Variants in NRIP3 observed in about 807,000 individuals in gnomAD.
NRIP3 encodes the protein nuclear receptor-interacting protein 3.
A neutral mutation model predicts 29.0 loss-of-function variants in NRIP3; 31 were observed. The observed-to-expected ratio is 1.07, with a 90% confidence interval of 0.80 to 1.44. The LOEUF is 1.44. Ranked by LOEUF, NRIP3 falls within the 40% of genes most tolerant of loss-of-function variation. The probability of loss-of-function intolerance (pLI) is 0.00; values close to 1 mark genes in which losing one functional copy is unlikely to be tolerated. For missense variants in NRIP3, 314 were observed against 297.9 expected, an observed-to-expected ratio of 1.05 and a Z score of -0.40; for synonymous variants, 131 against 118.3, an observed-to-expected ratio of 1.11 and a Z score of -0.70.
At chr11:8,992,557 G>A (rs116112943) in intron 1 of NRIP3, among the ~76,000 whole-genome samples, 3,617 of 152,308 alleles carry the variant, frequency 0.024, 140 homozygotes, top group African/African-American at 0.083. Flanking sequence ...TTAGGAATCA[G>A]AATAGTAGAG....
rs531652383 is a variant in NRIP3 at position 8,991,225 on chromosome 11, C to T, written c.175-2943G>A. On this transcript the variant is annotated intron_variant, in intron 1 of 6. Transcript: ENST00000309166. ...CTGAGGCAGGAGAATGGCATGAACC[C>T]GGGAGGCAGAGCTTGCATTGAGCCG... Among the ~76,000 whole-genome samples, 8 of 152,150 alleles carry T rather than the reference C, an allele frequency of 5.3e-5. No individual in the cohort carries two copies. The East Asian group carries it at 9.7e-4, about 18-fold the overall frequency.
intron 4 of NRIP3, among the ~76,000 whole-genome samples, chr11:8,985,187 T>TTG (rs1854496752): frequency 1.1e-5 from 1 of 90,536 alleles, no homozygotes; most frequent in Non-Finnish European, 2.3e-5. Context: ...TTTTTTTTTT[T>TTG]GAGACGGAGT....
At chr11:9,002,327 G>A (rs777191003) in intron 1 of NRIP3, among the ~76,000 whole-genome samples, 7 of 152,072 alleles carry the variant, frequency 4.6e-5, no homozygotes, top group Non-Finnish European at 1.0e-4. Context: ...TAAAGTGAAA[G>A]AAGGGAAAAG....
chr11:8,987,716 G>A (rs1854540222), intron 2 of NRIP3, 86 bp from the exon 3 acceptor site: 2 of 1,009,552 alleles, frequency 2.0e-6, no homozygotes, highest in South Asian at 1.3e-5. Context: ...GATGTCATAT[G>A]AAAGGCAGGG....
intron 4 of NRIP3, 44 bp downstream of exon 4, chr11:8,985,667 G>T: frequency 6.3e-7 from 1 of 1,593,410 alleles, no homozygotes; most frequent in Non-Finnish European, 8.6e-7. Flanking sequence ...GTAGGGAGAG[G>T]GTTTCCGTTA....
chr11:9,003,102 C>T (rs1445783867), intron 1 of NRIP3, among the ~76,000 whole-genome samples: 1 of 152,158 alleles, frequency 6.6e-6, no homozygotes, highest in Non-Finnish European at 1.5e-5. Context: ...ATTAGCTGGT[C>T]GGTGAGATGC....
intron 1 of NRIP3, among the ~76,000 whole-genome samples, chr11:8,997,643 A>T (rs61876274): frequency 0.38 from 57,942 of 151,624 alleles, 11,967 homozygotes; most frequent in Non-Finnish European, 0.47. Flanking sequence ...AATGAACACT[A>T]TGGGAAGTGC....
At chr11:8,984,217 A>G (rs560211838) in intron 4 of NRIP3, 93 bp from the exon 5 acceptor site, 10 of 774,200 alleles carry the variant, frequency 1.3e-5, no homozygotes, top group Middle Eastern at 3.4e-4. Flanking sequence ...CATCCATCCA[A>G]TAACATCCAA....
intron 3 of NRIP3, among the ~76,000 whole-genome samples, chr11:8,986,058 C>T (rs1445927160): frequency 6.6e-6 from 1 of 151,750 alleles, no homozygotes; most frequent in Non-Finnish European, 1.5e-5. Flanking sequence ...ACTCATCTCC[C>T]GTTCTCAAAA....
chr11:8,983,365 T>G lies in NRIP3; in HGVS notation c.*180A>C. 1.6e-6 allele frequency: 1 copy of G among 606,488 alleles called. No homozygotes were observed. Among genetic ancestry groups the G allele is most frequent in the Non-Finnish European group, 2.9e-6 (1 of 339,360 alleles). 37.6% of individuals were successfully genotyped at this position (606,488 alleles called of 1,614,324 possible). ...AAACAATGGCCATAACCAGACAAGA[T>G]CTCTAAGCATAGACTATAGTCTAGA... On this transcript the variant is annotated 3_prime_UTR_variant, in exon 7 of 7. Coordinates refer to ENST00000309166, the MANE Select transcript of NRIP3 (RefSeq NM_020645.3).
intron 1 of NRIP3, among the ~76,000 whole-genome samples, chr11:8,996,877 T>C (rs1368306172): frequency 6.6e-6 from 1 of 151,590 alleles, no homozygotes; most frequent in Non-Finnish European, 1.5e-5. Context: ...ACAGTGAAAT[T>C]GTGTCTCTAC....
rs143813282 is a variant in NRIP3 at position 8,983,518 on chromosome 11, C to T, written c.*27G>A. 0.01 allele frequency: 16,444 copies of T among 1,611,632 alleles called. 109 individuals are homozygous for T. The highest frequency in any genetic ancestry group is 0.021 in the Middle Eastern group (130 of 6,052). On this transcript the variant is annotated 3_prime_UTR_variant, in exon 7 of 7. Transcript: ENST00000309166. ...TGTCAACCCGGTGTGTATGCATGCA[C>T]ACGTGCAGACATGCTGCAGGCTGTA... is the stretch of plus-strand genomic sequence containing the variant.
rs1854453588 is a variant in NRIP3 at position 8,983,376 on chromosome 11, A to G, written c.*169T>C. The stretch of plus-strand genomic sequence containing the variant: ...ATAACCAGACAAGATCTCTAAGCAT[A>G]GACTATAGTCTAGAGAGGTCTGAAT... On this transcript the variant is annotated 3_prime_UTR_variant, in exon 7 of 7. Coordinates refer to ENST00000309166, the MANE Select transcript of NRIP3 (RefSeq NM_020645.3). 1 of 618,834 alleles carries G rather than the reference A, an allele frequency of 1.6e-6. No homozygotes were observed. The highest frequency in any genetic ancestry group is 2.9e-6 in the Non-Finnish European group (1 of 346,700). 38.3% of individuals were successfully genotyped at this position (618,834 alleles called of 1,614,324 possible). A position where few individuals can be genotyped will look rare whatever the true frequency, so the allele number is the denominator to read the frequency against.
chr11:8,985,739 G>C lies in NRIP3; in HGVS notation c.534C>G (p.Leu178=), dbSNP rs1013359256. The change falls in exon 4 of 7, where the codon CTC becomes CTG. Residue 178 remains leucine, a synonymous_variant. Transcript: ENST00000309166. ...IEHLVITLGS[L]RLDCPAAVVD... ...CCACAGCTGCTGGGCAGTCCAGGCG[G>C]AGGGAGCCCAGTGTGATCACTAGGT... 36 of 1,614,018 alleles carry C rather than the reference G, an allele frequency of 2.2e-5. No individual in the cohort carries two copies. The highest frequency in any genetic ancestry group is 2.9e-5 in the Non-Finnish European group (34 of 1,180,036).
rs1205652993 is a variant in NRIP3, at chr11:8,981,489, TAAAC to T, written c.*2052_*2055del. 1 of 117,272 alleles carries T rather than the reference TAAAC, an allele frequency of 8.5e-6. No homozygotes were observed. The highest frequency in any genetic ancestry group is 1.9e-5 in the Non-Finnish European group (1 of 53,812). 7.3% of individuals were successfully genotyped at this position (117,272 alleles called of 1,614,324 possible). On this transcript the variant is annotated 3_prime_UTR_variant, in exon 7 of 7. Transcript: ENST00000309166. ...TCTAAAAAAAAAAAAAAAAAAAGAA[TAAAC>T]CAGCAGGAACCTTCAACATGCCTCA... is the stretch of plus-strand genomic sequence containing the variant.
chr11:9,001,390 G>A (rs1854794275), intron 1 of NRIP3, among the ~76,000 whole-genome samples: 2 of 152,244 alleles, frequency 1.3e-5, no homozygotes, highest in Admixed American at 6.5e-5. Context: ...AATCCCAGCG[G>A]TATATTCAAA....
At chr11:8,995,388 A>G (rs7119887) in intron 1 of NRIP3, among the ~76,000 whole-genome samples, 141,729 of 152,246 alleles carry the variant, frequency 0.93, 66,768 homozygotes, top group East Asian at 1. Flanking sequence ...GGAGGTTTGA[A>G]CTCCAAAGAC....
chr11:8,983,392 A>G lies in NRIP3; in HGVS notation c.*153T>C. On this transcript the variant is annotated 3_prime_UTR_variant, in exon 7 of 7. Coordinates refer to ENST00000309166, the MANE Select transcript of NRIP3 (RefSeq NM_020645.3). ...TCTAAGCATAGACTATAGTCTAGAGAGGTCTGAATGGGAAGGAGCCCCTGG... is the reference window on the plus strand; with the variant it reads ...TCTAAGCATAGACTATAGTCTAGAGGGGTCTGAATGGGAAGGAGCCCCTGG... 1 of 648,356 alleles carries G rather than the reference A, an allele frequency of 1.5e-6. No homozygotes were observed. Among genetic ancestry groups the G allele is most frequent in the Admixed American group, 3.0e-5 (1 of 33,852 alleles). The allele number at this position is 648,356 out of a possible 1,614,324, so 40.2% of individuals were successfully genotyped here. A position where few individuals can be genotyped will look rare whatever the true frequency, so the allele number is the denominator to read the frequency against.
At chr11:8,998,025 C>A (rs1412772064) in intron 1 of NRIP3, among the ~76,000 whole-genome samples, 1 of 152,220 alleles carries the variant, frequency 6.6e-6, no homozygotes, top group Non-Finnish European at 1.5e-5. Flanking sequence ...ATACCATTCA[C>A]TTTTTCTTTT....
Sources: gnomAD v4.1 joint callset for allele counts (sites outside exome capture counted in the v4.1 genomes callset) on GRCh38, gnomAD v4.1.1 for gene constraint, MANE v1.5 for transcripts, NCBI Gene and HGNC (gene_info 2026-07-23, HGNC 2026-07-21) for gene names.